PTPN13: variants seen among roughly 807,000 people sequenced by gnomAD.
PTPN13 encodes the protein protein tyrosine phosphatase non-receptor type 13, also known as tyrosine-protein phosphatase non-receptor type 13.
PTPN13 carries 191 observed loss-of-function variants against 284.0 expected under a neutral mutation model. The ratio of observed to expected loss-of-function variants is 0.67; its 90% confidence interval spans 0.60 to 0.76. The LOEUF is 0.76. PTPN13 is among the 30% of genes least tolerant of loss of function. PTPN13 has a pLI of 0.00. For synonymous variants in PTPN13, 986 were observed against 1,022.3 expected, an observed-to-expected ratio of 0.96 and a Z score of 0.68; for missense variants, 2,797 against 2,939.9, an observed-to-expected ratio of 0.95 and a Z score of 1.12.
At chr4:86,658,814 A>T (rs983884610) in intron 2 of PTPN13, among the ~76,000 whole-genome samples, 17 of 152,040 alleles carry the variant, frequency 1.1e-4, no homozygotes, top group Non-Finnish European at 1.9e-4. Flanking sequence ...TCAAAATTTT[A>T]AAAAAAATTC....
intron 3 of PTPN13, among the ~76,000 whole-genome samples, chr4:86,673,984 A>G (rs1341572491): frequency 3.9e-5 from 6 of 152,108 alleles, no homozygotes; most frequent in Admixed American, 3.9e-4. Flanking sequence ...TGGGATTACA[A>G]GTGTGAGCCG....
chr4:86,595,774 A>C, intron 1 of PTPN13: 1 of 985,592 alleles, frequency 1.0e-6, no homozygotes, highest in Non-Finnish European at 1.2e-6. Context: ...GATCTGTGGG[A>C]TGAAGGGCGC....
Position 86,729,236 on chromosome 4 carries a change from T to A in PTPN13, c.1609-3164T>A, listed in dbSNP as rs192175756. Reference sequence around the variant, plus strand: ...TGTTAGTCTGATGGGCTTCCCTTTGTGGGTAACCCGACCTTTCTCTCTGGC... The same window carrying A: ...TGTTAGTCTGATGGGCTTCCCTTTGAGGGTAACCCGACCTTTCTCTCTGGC... On this transcript the variant is annotated intron_variant, in intron 10 of 47. Transcript: ENST00000411767. 3.7e-4 allele frequency among the ~76,000 whole-genome samples: 55 copies of A among 149,758 alleles called. 3 individuals carry two copies. The highest frequency in any genetic ancestry group is 6.9e-3 in the Middle Eastern group (2 of 290).
At chr4:86,691,224 C>T (rs1003583505) in intron 5 of PTPN13, among the ~76,000 whole-genome samples, 7 of 147,296 alleles carry the variant, frequency 4.8e-5, no homozygotes, top group Non-Finnish European at 7.5e-5. Context: ...AAGGCCCTAC[C>T]TCAAAAAAAA....
intron 3 of PTPN13, among the ~76,000 whole-genome samples, chr4:86,680,119 A>G (rs976548895): frequency 6.6e-6 from 1 of 152,176 alleles, no homozygotes; most frequent in Non-Finnish European, 1.5e-5. Context: ...GACAGTACCC[A>G]GCATGTAGTA....
intron 2 of PTPN13, among the ~76,000 whole-genome samples, chr4:86,655,647 C>T (rs1458596379): frequency 1.3e-5 from 2 of 152,128 alleles, no homozygotes; most frequent in African/African-American, 4.8e-5. Flanking sequence ...GAGGGTAACC[C>T]GACCTTTCTC....
intron 23 of PTPN13, among the ~76,000 whole-genome samples, chr4:86,760,503 A>G (rs1441596327): frequency 2.6e-5 from 4 of 152,184 alleles, no homozygotes; most frequent in Admixed American, 2.6e-4. Flanking sequence ...TGTCCAACAA[A>G]TATTTATTCA....
intron 2 of PTPN13, among the ~76,000 whole-genome samples, chr4:86,661,918 C>T (rs1175466820): frequency 6.6e-6 from 1 of 152,226 alleles, no homozygotes; most frequent in East Asian, 1.9e-4. Flanking sequence ...ACCCCCAACC[C>T]CAAGATTTAT....
At chr4:86,804,278 A>G (rs185138773) in intron 43 of PTPN13, among the ~76,000 whole-genome samples, 5 of 152,302 alleles carry the variant, frequency 3.3e-5, no homozygotes, top group African/African-American at 1.2e-4. Flanking sequence ...TCAGAGCCCT[A>G]GCTCCTGTGG....
chr4:86,773,560 T>G (rs993538415), intron 32 of PTPN13, among the ~76,000 whole-genome samples: 1 of 152,306 alleles, frequency 6.6e-6, no homozygotes, highest in Non-Finnish European at 1.5e-5. Context: ...GTTAGCCTTT[T>G]TAAATACTGC....
chr4:86,749,647 TC>T (rs1483373258), intron 17 of PTPN13, among the ~76,000 whole-genome samples: 1 of 152,246 alleles, frequency 6.6e-6, no homozygotes, highest in East Asian at 1.9e-4. Context: ...TTATAAAGTA[TC>T]TGTAAATTTA....
intron 13 of PTPN13, 136 bp from the exon 14 acceptor site, chr4:86,734,601 T>A (rs182784863): frequency 1.6e-6 from 2 of 1,264,110 alleles, no homozygotes; most frequent in East Asian, 5.0e-5. Context: ...ACAGTTTATC[T>A]AATCCTTATG....
At chr4:86,701,201 A>G (rs776711981) in intron 6 of PTPN13, 40 bp from the exon 7 acceptor site, 21 of 1,400,288 alleles carry the variant, frequency 1.5e-5, no homozygotes, top group Non-Finnish European at 1.9e-5. Context: ...TTTATTTTCT[A>G]AAAATTGTGT....
chr4:86,777,906 A>G (rs189217460), intron 35 of PTPN13, among the ~76,000 whole-genome samples: 1 of 152,246 alleles, frequency 6.6e-6, no homozygotes, highest in East Asian at 1.9e-4. Context: ...AACAACCTGG[A>G]AAGTATTTTT....
At chr4:86,693,536 A>G (rs1247720257) in intron 5 of PTPN13, 51 bp from the exon 6 acceptor site, 1 of 1,271,488 alleles carries the variant, frequency 7.9e-7, no homozygotes, top group Non-Finnish European at 1.1e-6. Flanking sequence ...TACCATGAAA[A>G]CAAAAGGGAG....
chr4:86,692,220 T>C (rs1730101373), intron 5 of PTPN13, among the ~76,000 whole-genome samples: 2 of 152,224 alleles, frequency 1.3e-5, no homozygotes, highest in African/African-American at 4.8e-5. Context: ...CTAACTTCAA[T>C]GCAGGAATTT....
intron 32 of PTPN13, among the ~76,000 whole-genome samples, chr4:86,773,437 G>A (rs1261871132): frequency 1.3e-5 from 2 of 150,534 alleles, no homozygotes; most frequent in African/African-American, 2.4e-5. Context: ...CACTTTTTTT[G>A]TGTGCTCAGA....
intron 10 of PTPN13, among the ~76,000 whole-genome samples, chr4:86,731,114 A>G (rs1055635417): frequency 6.6e-6 from 1 of 152,242 alleles, no homozygotes; most frequent in Admixed American, 6.5e-5. Context: ...TGAGCTGTAC[A>G]ACCAAATGCA....
chr4:86,716,472 A>C, intron 7 of PTPN13, 58 bp from the exon 8 acceptor site: 1 of 1,002,400 alleles, frequency 1.0e-6, no homozygotes, highest in South Asian at 1.6e-5. Flanking sequence ...TAATATTTTG[A>C]TTTATGTGGA....
Sources: allele counts gnomAD v4.1 joint callset (sites outside exome capture counted in the v4.1 genomes callset), GRCh38; gene constraint gnomAD v4.1.1; transcripts MANE v1.5; gene names NCBI Gene and HGNC (gene_info 2026-07-23, HGNC 2026-07-21).